ANKFY1: variants seen among roughly 807,000 people sequenced by gnomAD.
ANKFY1 encodes ankyrin repeat and FYVE domain-containing protein 1.
ANKFY1 carries 47 observed loss-of-function variants against 128.3 expected under a neutral mutation model. The ratio of observed to expected loss-of-function variants is 0.37; its 90% confidence interval spans 0.29 to 0.47. ANKFY1 has a LOEUF of 0.47. Among genes scored for constraint, ANKFY1 ranks in the 20% least tolerant of loss-of-function variants. The pLI is 1.00. For missense variants in ANKFY1, 1,222 were observed against 1,510.6 expected, an observed-to-expected ratio of 0.81 and a Z score of 3.17; for synonymous variants, 553 against 601.6, an observed-to-expected ratio of 0.92 and a Z score of 1.18.
intron 9 of ANKFY1, 87 bp from the exon 10 acceptor site, chr17:4,195,264 T>C (rs2059796437): frequency 5.0e-6 from 7 of 1,396,286 alleles, no homozygotes; most frequent in Admixed American, 2.3e-5. Flanking sequence ...CTCTTTACCC[T>C]TTTTCAATGA....
intron 1 of ANKFY1, among the ~76,000 whole-genome samples, chr17:4,244,628 GC>G (rs1967435123): frequency 6.6e-6 from 1 of 151,746 alleles, no homozygotes; most frequent in South Asian, 2.1e-4. Flanking sequence ...CTCATTCCAT[GC>G]CAACACCCTG....
At chr17:4,223,569 C>T in intron 3 of ANKFY1, 1 of 1,242,608 alleles carries the variant, frequency 8.0e-7, no homozygotes. Context: ...AGTTTTCTAG[C>T]ACTAGTGATG....
intron 10 of ANKFY1, among the ~76,000 whole-genome samples, chr17:4,191,557 C>T (rs570282955): frequency 6.8e-6 from 1 of 147,944 alleles, no homozygotes; most frequent in Non-Finnish European, 1.5e-5. Flanking sequence ...CTGGAGACTC[C>T]TAGTTGATGG....
chr17:4,190,713 G>A (rs181999968), intron 10 of ANKFY1, among the ~76,000 whole-genome samples: 1 of 151,734 alleles, frequency 6.6e-6, no homozygotes, highest in Non-Finnish European at 1.5e-5. Context: ...CTCTCTAAAT[G>A]GTTTTAGCCC....
At chr17:4,249,016 CTTCA>C in intron 1 of ANKFY1, 2 of 510,166 alleles carry the variant, frequency 3.9e-6, no homozygotes, top group Non-Finnish European at 2.5e-6. Context: ...ACAAAAAAAT[CTTCA>C]TTCATTACAA....
In ANKFY1 at chr17:4,262,448, T is replaced by C. The variant is rs113651740; in HGVS notation, c.10+1484A>G. 2.0e-3 allele frequency among the ~76,000 whole-genome samples: 302 copies of C among 152,210 alleles called. 1 individual carries two copies. Among genetic ancestry groups the C allele is most frequent in the African/African-American group, 6.9e-3 (288 of 41,548 alleles). On this transcript the variant is annotated intron_variant, in intron 1 of 24. Coordinates refer to ENST00000341657, the MANE Select transcript of ANKFY1 (RefSeq NM_001330063.2). Reference sequence around the variant, plus strand: ...GGCTAACTTTCGTATTTTTTGTAGATACGAGGTTTCGCCATGTTGCCCAGG... The same window carrying C: ...GGCTAACTTTCGTATTTTTTGTAGACACGAGGTTTCGCCATGTTGCCCAGG...
chr17:4,218,564 T>C (rs1034190714), intron 3 of ANKFY1, among the ~76,000 whole-genome samples: 1 of 152,190 alleles, frequency 6.6e-6, no homozygotes, highest in African/African-American at 2.4e-5. Context: ...GTGAGCAACA[T>C]GGTGAAACCC....
chr17:4,219,158 T>A (rs1337046882), intron 3 of ANKFY1, among the ~76,000 whole-genome samples: 1 of 152,212 alleles, frequency 6.6e-6, no homozygotes, highest in Admixed American at 6.5e-5. Context: ...CTTTTTAAGT[T>A]AAAATAAAGA....
At chr17:4,187,066 CGGT>C (rs941351299) in intron 11 of ANKFY1, 4 of 1,197,468 alleles carry the variant, frequency 3.3e-6, no homozygotes, top group African/African-American at 1.6e-5. Context: ...ATAAGTTCTT[CGGT>C]GGTGATTTCT....
intron 1 of ANKFY1, among the ~76,000 whole-genome samples, chr17:4,261,174 G>T (rs1219789198): frequency 1.3e-5 from 2 of 152,152 alleles, no homozygotes; most frequent in African/African-American, 4.8e-5. Flanking sequence ...CAAAAAGTTG[G>T]GACACAAAAG....
At position 4,199,696 on chromosome 17, in the gene ANKFY1, G is replaced by A. The variant is rs113581795; in HGVS notation, c.899-2119C>T. Among the ~76,000 whole-genome samples, 529 of 152,226 alleles carry A rather than the reference G, an allele frequency of 3.5e-3. 3 individuals carry two copies. Among genetic ancestry groups the A allele is most frequent in the African/African-American group, 0.012 (504 of 41,536 alleles). On this transcript the variant is annotated intron_variant, in intron 7 of 24. Coordinates refer to ENST00000341657, the MANE Select transcript of ANKFY1 (RefSeq NM_001330063.2). ...GTTCTACAAATACATGGTTAAACTC[G>A]GAACTAAGCAATCTGACAAGTGGCC...
At chr17:4,206,848 T>C (rs1172390255) in intron 6 of ANKFY1, among the ~76,000 whole-genome samples, 1 of 152,176 alleles carries the variant, frequency 6.6e-6, no homozygotes, top group Non-Finnish European at 1.5e-5. Flanking sequence ...GGCGTTCCTA[T>C]TTCATTCTTC....
intron 1 of ANKFY1, among the ~76,000 whole-genome samples, chr17:4,255,084 T>C (rs942089011): frequency 3.3e-5 from 5 of 152,010 alleles, no homozygotes; most frequent in African/African-American, 1.2e-4. Context: ...TTTCCTATAG[T>C]AAATGCACTC....
intron 1 of ANKFY1, among the ~76,000 whole-genome samples, chr17:4,250,541 C>T (rs1167428693): frequency 6.6e-6 from 1 of 152,188 alleles, no homozygotes; most frequent in African/African-American, 2.4e-5. Flanking sequence ...ATACTACGCT[C>T]ATGGATTGGA....
rs1417633763 is a variant in ANKFY1, at chr17:4,165,205, A to T, written c.*2574T>A. ...ACAACGACAACAAAAGACTGTTAGG[A>T]ATACACTGGATAATAAATCTGGCGA... On this transcript the variant is annotated 3_prime_UTR_variant, in exon 25 of 25. Coordinates refer to ENST00000341657, the MANE Select transcript of ANKFY1 (RefSeq NM_001330063.2). 1 of 152,252 alleles carries T rather than the reference A, an allele frequency of 6.6e-6. No individual in the cohort carries two copies. The highest frequency in any genetic ancestry group is 1.5e-5 in the Non-Finnish European group (1 of 68,048). The allele number at this position is 152,252 out of a possible 1,614,324, so 9.4% of individuals were successfully genotyped here. A position where few individuals can be genotyped will look rare whatever the true frequency, so the allele number is the denominator to read the frequency against.
chr17:4,241,178 G>A (rs546147695), intron 2 of ANKFY1, among the ~76,000 whole-genome samples: 14 of 151,814 alleles, frequency 9.2e-5, no homozygotes, highest in South Asian at 4.2e-4. Context: ...AGTAGCAGCA[G>A]TAACTTCATT....
At chr17:4,174,127 C>T in intron 19 of ANKFY1, 71 bp from the exon 20 acceptor site, 3 of 1,553,684 alleles carry the variant, frequency 1.9e-6, no homozygotes, top group Non-Finnish European at 2.6e-6. Flanking sequence ...GGGGCCGAGC[C>T]TGCTTGTCTT....
intron 3 of ANKFY1, 59 bp from the exon 4 acceptor site, chr17:4,217,177 C>G: frequency 6.3e-7 from 1 of 1,574,928 alleles, no homozygotes; most frequent in Non-Finnish European, 8.7e-7. Flanking sequence ...TAGACTTTCT[C>G]AAGGGATCCC....
rs1452628352 is a variant in ANKFY1 at position 4,178,656 on chromosome 17, A to G, written c.2598+201T>C. 2.3e-5 allele frequency: 14 copies of G among 603,080 alleles called. No individual in the cohort carries two copies. The South Asian group carries it at 2.8e-4, about 12-fold the overall frequency. The allele number at this position is 603,080 out of a possible 1,614,324, so 37.4% of individuals were successfully genotyped here. A position where few individuals can be genotyped will look rare whatever the true frequency, so the allele number is the denominator to read the frequency against. On this transcript the variant is annotated intron_variant, in intron 18 of 24. Coordinates refer to ENST00000341657, the MANE Select transcript of ANKFY1 (RefSeq NM_001330063.2). This position sits in a 1 kb window ranked among gnomAD's most constrained non-coding sequence, Gnocchi z 4.1. Reference sequence around the variant, plus strand: ...GCTTCCATCGAAGCCGGGCACTGTCAGGCGCTGACACACAGGCAGAGGAGC... The same window carrying G: ...GCTTCCATCGAAGCCGGGCACTGTCGGGCGCTGACACACAGGCAGAGGAGC...
Sources: gnomAD v4.1 joint callset for allele counts (sites outside exome capture counted in the v4.1 genomes callset) on GRCh38, gnomAD v4.1.1 for gene constraint, Gnocchi (gnomAD v3.1) non-coding constraint, MANE v1.5 for transcripts, NCBI Gene and HGNC (gene_info 2026-07-23, HGNC 2026-07-21) for gene names.